Variants in PLA2G4E observed in about 807,000 individuals in gnomAD.
PLA2G4E encodes the protein cytosolic phospholipase A2 epsilon.
Under a neutral mutation model 109.1 loss-of-function variants are expected in PLA2G4E, and 84 were observed. That is an observed-to-expected ratio of 0.77 (90% CI 0.65 to 0.92). The LOEUF is 0.92. Among genes scored for constraint, PLA2G4E ranks in the 40% least tolerant of loss-of-function variants. PLA2G4E has a pLI of 0.00. For missense variants in PLA2G4E, 1,057 were observed against 1,076.6 expected (o/e 0.98, Z 0.25); for synonymous variants, 469 against 436.1 (o/e 1.08, Z -0.94).
At chr15:42,045,285 G>A (rs1158054136) in intron 1 of PLA2G4E, among the ~76,000 whole-genome samples, 23 of 152,196 alleles carry the variant, frequency 1.5e-4, no homozygotes, top group African/African-American at 5.6e-4. Context: ...GGGTGGCACA[G>A]AGTAGGGCAA....
At chr15:42,019,130 C>G (rs2068624027) in intron 1 of PLA2G4E, among the ~76,000 whole-genome samples, 1 of 152,164 alleles carries the variant, frequency 6.6e-6, no homozygotes, top group African/African-American at 2.4e-5. Flanking sequence ...GGGTGCAGGT[C>G]TTCAGGGCGC....
intron 1 of PLA2G4E, among the ~76,000 whole-genome samples, chr15:42,014,037 G>A (rs923054471): frequency 2.6e-5 from 4 of 151,978 alleles, no homozygotes; most frequent in Non-Finnish European, 5.9e-5. Context: ...GGTTACAGGT[G>A]TCTGCCACAT....
chr15:42,034,643 C>G (rs145181699), intron 1 of PLA2G4E, among the ~76,000 whole-genome samples: 3 of 152,308 alleles, frequency 2.0e-5, no homozygotes, highest in Non-Finnish European at 4.4e-5. Context: ...TCTGCCCCCT[C>G]CTCTTCTACG....
At chr15:42,031,846 G>A (rs1889119693) in intron 1 of PLA2G4E, among the ~76,000 whole-genome samples, 1 of 152,214 alleles carries the variant, frequency 6.6e-6, no homozygotes, top group Non-Finnish European at 1.5e-5. Flanking sequence ...AACTGTGTCA[G>A]ATGGTTCTAG....
At chr15:42,010,911 A>G (rs1178637984) in intron 2 of PLA2G4E, among the ~76,000 whole-genome samples, 1 of 152,228 alleles carries the variant, frequency 6.6e-6, no homozygotes, top group Non-Finnish European at 1.5e-5. Flanking sequence ...GGCACAAGTT[A>G]CAAGACTAAA....
At chr15:42,008,863 G>A (rs1360153053) in intron 2 of PLA2G4E, 3 of 149,190 alleles carry the variant, frequency 2.0e-5, no homozygotes, top group African/African-American at 7.4e-5. Context: ...GCTGGCAGGA[G>A]GATGGGAGTT....
intron 11 of PLA2G4E, 80 bp downstream of exon 11, chr15:41,997,044 G>T: frequency 6.9e-7 from 1 of 1,439,978 alleles, no homozygotes; most frequent in Non-Finnish European, 9.2e-7. Context: ...CTGGGGTAGG[G>T]CAGGGCCTGG....
chr15:42,012,527 G>A (rs1030908639), intron 2 of PLA2G4E, among the ~76,000 whole-genome samples: 1 of 152,146 alleles, frequency 6.6e-6, no homozygotes, highest in East Asian at 1.9e-4. Context: ...AGGTGCTCAG[G>A]GGGTGTGGCT....
intron 3 of PLA2G4E, 92 bp downstream of exon 3, chr15:42,007,637 G>T: frequency 7.0e-7 from 1 of 1,429,312 alleles, no homozygotes; most frequent in Non-Finnish European, 9.6e-7. Flanking sequence ...AAACAAAGAG[G>T]CATAAGAACA....
chr15:41,993,764 G>A (rs1224616190), intron 12 of PLA2G4E, among the ~76,000 whole-genome samples: 9 of 152,100 alleles, frequency 5.9e-5, no homozygotes, highest in Admixed American at 1.3e-4. Context: ...TCCCTCACAG[G>A]ACTTGCTTTT....
intron 18 of PLA2G4E, among the ~76,000 whole-genome samples, chr15:41,985,620 T>C (rs2068127612): frequency 1.3e-5 from 2 of 152,266 alleles, no homozygotes; most frequent in South Asian, 4.1e-4. Context: ...TCGAATTTGC[T>C]AAGTCAACAT....
At chr15:42,050,179 G>A (rs537434982) in intron 1 of PLA2G4E, among the ~76,000 whole-genome samples, 1 of 152,260 alleles carries the variant, frequency 6.6e-6, no homozygotes, top group East Asian at 1.9e-4. Context: ...TCCATCTCAG[G>A]TGCCCATGAA....
In PLA2G4E at chr15:41,992,986, G is replaced by A. The variant is rs55721022; in HGVS notation, c.1248-27C>T. ...TGGAAAGAGACAGGCACAGCTGATA[G>A]GGCTGACCCGGCCCCTGTCTGATGA... On this transcript the variant is annotated intron_variant, in intron 12 of 19. Transcript: ENST00000399518. 2,014 of 1,576,050 alleles carry A rather than the reference G, an allele frequency of 1.3e-3. 27 individuals carry two copies. In the African/African-American group the frequency reaches 0.023, roughly 18 times the overall value.
intron 1 of PLA2G4E, among the ~76,000 whole-genome samples, chr15:42,035,332 C>A (rs1309945838): frequency 6.6e-6 from 1 of 152,222 alleles, no homozygotes; most frequent in Non-Finnish European, 1.5e-5. Flanking sequence ...ATAGGGAAAG[C>A]CTCTCCCCAT....
chr15:42,004,954 A>G, exon 5 of PLA2G4E: 1 of 1,613,118 alleles, frequency 6.2e-7, no homozygotes, highest in Non-Finnish European at 8.5e-7. Context: ...TCCAGCAGGA[A>G]CTCCACCTCC....
chr15:42,037,367 C>T (rs1469337248), intron 1 of PLA2G4E, among the ~76,000 whole-genome samples: 1 of 152,230 alleles, frequency 6.6e-6, no homozygotes, highest in Non-Finnish European at 1.5e-5. Context: ...GCAGAGCGGT[C>T]GTCAGGATGA....
intron 1 of PLA2G4E, among the ~76,000 whole-genome samples, chr15:42,033,772 G>A (rs932585391): frequency 3.3e-5 from 5 of 152,184 alleles, no homozygotes; most frequent in East Asian, 1.9e-4. Context: ...CTGCCGCCCC[G>A]CAGCCTGTGA....
At chr15:42,001,879 G>C (rs2068423797) in intron 6 of PLA2G4E, among the ~76,000 whole-genome samples, 1 of 152,106 alleles carries the variant, frequency 6.6e-6, no homozygotes, top group Admixed American at 6.5e-5. Flanking sequence ...TTTTTGTAGG[G>C]ATGGAGTTTC....
intron 13 of PLA2G4E, among the ~76,000 whole-genome samples, chr15:41,991,266 C>T (rs2068243682): frequency 6.6e-6 from 1 of 152,212 alleles, no homozygotes; most frequent in Non-Finnish European, 1.5e-5. Flanking sequence ...CCCACCAAAC[C>T]CCCAGAATGC....
Sources: allele counts gnomAD v4.1 joint callset (sites outside exome capture counted in the v4.1 genomes callset), GRCh38; gene constraint gnomAD v4.1.1; transcripts MANE v1.5; gene names NCBI Gene and HGNC (gene_info 2026-07-23, HGNC 2026-07-21).